C8orf34: variants seen among roughly 807,000 people sequenced by gnomAD.
The protein encoded by C8orf34 is chromosome 8 open reading frame 34, also known as uncharacterized protein C8orf34.
In C8orf34, 65 loss-of-function variants were observed where a neutral mutation model predicts 68.3. That is an observed-to-expected ratio of 0.95 (90% CI 0.78 to 1.17). C8orf34 has a LOEUF of 1.17. C8orf34 is among the 50% of genes most tolerant of loss of function. The pLI, the probability that C8orf34 is intolerant of heterozygous loss-of-function variation, is 0.00. For synonymous variants in C8orf34, 244 were observed against 241.2 expected, an observed-to-expected ratio of 1.01 and a Z score of -0.11; for missense variants, 664 against 655.4, an observed-to-expected ratio of 1.01 and a Z score of -0.14.
chr8:68,609,514 G>C (rs995027664), intron 7 of C8orf34, among the ~76,000 whole-genome samples: 2 of 152,164 alleles, frequency 1.3e-5, no homozygotes, highest in Non-Finnish European at 2.9e-5. Context: ...GAAGCCAAGG[G>C]TATAAAGAGT....
chr8:68,468,817 C>T lies in C8orf34; in HGVS notation c.733C>T (p.Arg245Ter), dbSNP rs748338743. 8.7e-6 allele frequency: 14 copies of T among 1,608,408 alleles called. No individual in the cohort carries two copies. The highest frequency in any genetic ancestry group is 8.5e-5 in the Admixed American group (5 of 58,828). Residue 245 changes from arginine (R) to a stop codon, truncating the protein, a stop_gained, in exon 4 of 14, where the codon CGA (arginine) becomes TGA (stop). Coordinates refer to ENST00000518698, the MANE Select transcript of C8orf34 (RefSeq NM_052958.4). LOFTEE classifies it high-confidence loss of function. ...KLGKALENLS[R>*]SIAISDELDK... The stretch of plus-strand genomic sequence containing the variant: ...GGGGAAAGCCCTTGAGAATCTCTCT[C>T]GAAGTAAGTTCATTTACTTGATTAT...
intron 9 of C8orf34, among the ~76,000 whole-genome samples, chr8:68,711,068 A>G (rs1259948696): frequency 6.6e-6 from 1 of 152,110 alleles, no homozygotes; most frequent in African/African-American, 2.4e-5. Flanking sequence ...AAGAGCAAAA[A>G]CACTCACTAC....
chr8:68,514,093 G>A (rs757553171), intron 5 of C8orf34, among the ~76,000 whole-genome samples: 1 of 152,102 alleles, frequency 6.6e-6, no homozygotes, highest in Non-Finnish European at 1.5e-5. Flanking sequence ...GAAAATTCAG[G>A]CTCGCAGACA....
intron 7 of C8orf34, among the ~76,000 whole-genome samples, chr8:68,610,052 T>C (rs1312097243): frequency 6.6e-6 from 1 of 152,172 alleles, no homozygotes; most frequent in Non-Finnish European, 1.5e-5. Context: ...GAAAAACTAA[T>C]GAATATAGAA....
chr8:68,745,202 C>T (rs1204493892), intron 10 of C8orf34, among the ~76,000 whole-genome samples: 1 of 152,038 alleles, frequency 6.6e-6, no homozygotes, highest in Non-Finnish European at 1.5e-5. Context: ...TTTGTCACCA[C>T]CAGGCCTGCC....
At chr8:68,632,633 G>T (rs2130703324) in intron 7 of C8orf34, among the ~76,000 whole-genome samples, 1 of 152,224 alleles carries the variant, frequency 6.6e-6, no homozygotes, top group Middle Eastern at 3.4e-3. Flanking sequence ...TCGCAAGCCT[G>T]GCAGCCTAGT....
intron 7 of C8orf34, among the ~76,000 whole-genome samples, chr8:68,549,781 T>A (rs1816004203): frequency 6.6e-6 from 1 of 151,764 alleles, no homozygotes; most frequent in African/African-American, 2.4e-5. Context: ...TGATGCTTTG[T>A]TGTTAGGCAC....
chr8:68,775,313 C>G (rs1823483931), intron 10 of C8orf34, among the ~76,000 whole-genome samples: 1 of 152,070 alleles, frequency 6.6e-6, no homozygotes, highest in South Asian at 2.1e-4. Flanking sequence ...GTTTTAAACA[C>G]ATATGGTGTC....
chr8:68,718,627 A>C (rs550038283), intron 9 of C8orf34, among the ~76,000 whole-genome samples: 169 of 152,344 alleles, frequency 1.1e-3, no homozygotes, highest in African/African-American at 3.2e-3. Context: ...TCAACTGTGC[A>C]TCCACATTGA....
chr8:68,660,379 C>A (rs1169972512), intron 8 of C8orf34, among the ~76,000 whole-genome samples: 8 of 152,286 alleles, frequency 5.3e-5, no homozygotes, highest in African/African-American at 1.9e-4. Context: ...GTCCCAGAGG[C>A]CTCAGCAGAG....
intron 7 of C8orf34, among the ~76,000 whole-genome samples, chr8:68,563,328 T>C (rs1184159407): frequency 6.6e-6 from 1 of 152,198 alleles, no homozygotes; most frequent in African/African-American, 2.4e-5. Context: ...TTTCAGATTT[T>C]ACAGTTGTGA....
At chr8:68,598,885 A>C (rs1229224624) in intron 7 of C8orf34, among the ~76,000 whole-genome samples, 1 of 152,170 alleles carries the variant, frequency 6.6e-6, no homozygotes, top group East Asian at 1.9e-4. Flanking sequence ...TGAGAGGACA[A>C]GATGTGCTCT....
chr8:68,494,813 G>A (rs545726080), intron 5 of C8orf34, among the ~76,000 whole-genome samples: 9 of 151,632 alleles, frequency 5.9e-5, no homozygotes, highest in Admixed American at 1.3e-4. Flanking sequence ...CTGAGATCAC[G>A]CTACTACACT....
rs527313654 is a variant in C8orf34, at chr8:68,783,469, G to A, written c.1456-3974G>A. ...GGAGGCGGAGGTTGCAGTGAGCCAAGATGGTGCCATTGCAATTGCACTCCG... is the reference window on the plus strand; with the variant it reads ...GGAGGCGGAGGTTGCAGTGAGCCAAAATGGTGCCATTGCAATTGCACTCCG... On this transcript the variant is annotated intron_variant, in intron 11 of 13. Coordinates refer to ENST00000518698, the MANE Select transcript of C8orf34 (RefSeq NM_052958.4). 2.5e-4 allele frequency among the ~76,000 whole-genome samples: 26 copies of A among 102,950 alleles called. No individual in the cohort carries two copies. In the South Asian group the frequency reaches 6.5e-3, roughly 26 times the overall value. The allele number at this position is 102,950 out of a possible 152,430, so 67.5% of individuals were successfully genotyped here. A position where few individuals can be genotyped will look rare whatever the true frequency, so the allele number is the denominator to read the frequency against.
At chr8:68,810,449 C>T (rs536650402) in intron 12 of C8orf34, among the ~76,000 whole-genome samples, 50 of 152,336 alleles carry the variant, frequency 3.3e-4, no homozygotes, top group Non-Finnish European at 7.1e-4. Flanking sequence ...AAAGCTCTGG[C>T]TCAGGGAGCT....
intron 7 of C8orf34, among the ~76,000 whole-genome samples, chr8:68,563,517 G>A (rs1816495635): frequency 6.6e-6 from 1 of 152,120 alleles, no homozygotes; most frequent in Admixed American, 6.5e-5. Flanking sequence ...TTTAAAAGGT[G>A]TTTTCTTCTT....
At chr8:68,773,973 C>G (rs543166337) in intron 10 of C8orf34, among the ~76,000 whole-genome samples, 8 of 152,252 alleles carry the variant, frequency 5.3e-5, no homozygotes, top group Admixed American at 2.6e-4. Flanking sequence ...ACCACACACT[C>G]CAGCTCCAAG....
intron 6 of C8orf34, among the ~76,000 whole-genome samples, chr8:68,532,408 T>C (rs1467046096): frequency 1.3e-5 from 2 of 152,130 alleles, no homozygotes; most frequent in African/African-American, 4.8e-5. Context: ...AATATACATA[T>C]ACATATTGTA....
chr8:68,344,562 C>T (rs1031134469), intron 1 of C8orf34, among the ~76,000 whole-genome samples: 9 of 152,060 alleles, frequency 5.9e-5, no homozygotes, highest in African/African-American at 1.4e-4. Context: ...ATAAAATGTA[C>T]ATGGGATTTC....
Sources: allele counts gnomAD v4.1 joint callset (sites outside exome capture counted in the v4.1 genomes callset), GRCh38; gene constraint gnomAD v4.1.1; transcripts MANE v1.5; gene names NCBI Gene and HGNC (gene_info 2026-07-23, HGNC 2026-07-21).